The following DAB1 variants were observed in gnomAD, a reference collection of about 807,000 sequenced individuals.
DAB1 encodes the protein disabled homolog 1.
A neutral mutation model predicts 64.6 loss-of-function variants in DAB1; 15 were observed. That is an observed-to-expected ratio of 0.23 (90% confidence interval 0.16 to 0.36). The LOEUF (loss-of-function observed/expected upper bound fraction) is 0.36, where lower values mean the gene tolerates loss of function less well. Ranked by LOEUF, DAB1 falls within the 10% of genes least tolerant of loss-of-function variation. The pLI is 1.00. For missense variants in DAB1, 596 were observed against 706.7 expected, an observed-to-expected ratio of 0.84 and a Z score of 1.78; for synonymous variants, 235 against 251.9, an observed-to-expected ratio of 0.93 and a Z score of 0.64.
Position 57,929,914 on chromosome 1 carries a change from A to G in DAB1, n.388-45752T>C, listed in dbSNP as rs551234943. On this transcript the variant is annotated intron_variant and non_coding_transcript_variant, in intron 5 of 20. Transcript: ENST00000485760. ...ATGAGGGATCCACCCCCAGGACCCA[A>G]CCACATCCCACCAGGTGCCCTTCCC... 5.9e-5 allele frequency among the ~76,000 whole-genome samples: 9 copies of G among 152,294 alleles called. No individual in the cohort carries two copies. The South Asian group carries it at 1.7e-3, about 28-fold the overall frequency.
At chr1:57,990,342 A>C (rs1384144623) in intron 5 of DAB1, among the ~76,000 whole-genome samples, 2 of 152,248 alleles carry the variant, frequency 1.3e-5, no homozygotes, top group African/African-American at 4.8e-5. Flanking sequence ...TCCAATCCAA[A>C]TATGTTTCAT....
intron 3 of DAB1, among the ~76,000 whole-genome samples, chr1:58,434,197 T>C (rs1435974847): frequency 6.6e-6 from 1 of 152,156 alleles, no homozygotes; most frequent in Non-Finnish European, 1.5e-5. Context: ...TACTACTGTG[T>C]TGAGAACAGA....
intron 7 of DAB1, among the ~76,000 whole-genome samples, chr1:57,634,270 G>T (rs189247849): frequency 6.6e-6 from 1 of 152,218 alleles, no homozygotes; most frequent in Non-Finnish European, 1.5e-5. Flanking sequence ...CTGAAAGAAC[G>T]TGAGCTATAA....
rs1646684732 is a variant in DAB1 at position 57,023,462 on chromosome 1, T to A, written c.895+69A>T. 5.1e-5 allele frequency: 45 copies of A among 878,676 alleles called. 1 individual carries two copies. In the South Asian group the frequency reaches 6.4e-4, roughly 13 times the overall value. 54.4% of individuals were successfully genotyped at this position (878,676 alleles called of 1,614,324 possible). A position where few individuals can be genotyped will look rare whatever the true frequency, so the allele number is the denominator to read the frequency against. ...GTTTTATCATCATTCGGTGGCTGGC[T>A]CTGTAAACTCTTTCTCTCTCTTAAT... is the stretch of plus-strand genomic sequence containing the variant. On this transcript the variant is annotated intron_variant, in intron 11 of 14. Coordinates refer to ENST00000371236, the MANE Select transcript of DAB1 (RefSeq NM_001365792.1).
intron 6 of DAB1, among the ~76,000 whole-genome samples, chr1:57,662,784 G>T (rs1646402379): frequency 1.3e-5 from 2 of 152,312 alleles, no homozygotes; most frequent in South Asian, 2.1e-4. Flanking sequence ...GCAGTCAAAG[G>T]ACATGGTATG....
intron 6 of DAB1, among the ~76,000 whole-genome samples, chr1:57,764,044 T>C (rs1327503388): frequency 6.6e-6 from 1 of 152,190 alleles, no homozygotes; most frequent in Non-Finnish European, 1.5e-5. Context: ...ATGATAACGA[T>C]ATTCTCCTTT....
chr1:58,154,497 T>C (rs930128949), intron 4 of DAB1, among the ~76,000 whole-genome samples: 1 of 151,912 alleles, frequency 6.6e-6, no homozygotes, highest in Admixed American at 6.5e-5. Context: ...AGCAATGTGC[T>C]AGGAATACAG....
intron 1 of DAB1, among the ~76,000 whole-genome samples, chr1:57,297,313 G>A (rs1673278856): frequency 6.6e-6 from 1 of 152,110 alleles, no homozygotes. Context: ...ACTTGAATAT[G>A]AATGGTAAGT....
At chr1:57,706,385 A>T (rs896868268) in intron 6 of DAB1, among the ~76,000 whole-genome samples, 1 of 151,508 alleles carries the variant, frequency 6.6e-6, no homozygotes, top group Non-Finnish European at 1.5e-5. Flanking sequence ...GGCTCACTGC[A>T]CCCTCAACCT....
chr1:58,283,914 T>C (rs1661624161), intron 4 of DAB1, among the ~76,000 whole-genome samples: 1 of 152,346 alleles, frequency 6.6e-6, no homozygotes, highest in Middle Eastern at 3.4e-3. Flanking sequence ...TAATACACAG[T>C]GCCTGGCTCA....
chr1:58,473,549 T>TA (rs1220798227), intron 3 of DAB1, among the ~76,000 whole-genome samples: 10 of 80,728 alleles, frequency 1.2e-4, no homozygotes, highest in African/African-American at 5.5e-4. Context: ...CTCAAAAAAA[T>TA]AAATAAATAA....
chr1:58,246,573 G>GT (rs1660542577), intron 4 of DAB1, among the ~76,000 whole-genome samples: 1 of 152,204 alleles, frequency 6.6e-6, no homozygotes, highest in Non-Finnish European at 1.5e-5. Flanking sequence ...GGGTTTGTAT[G>GT]TAAGTGCATA....
rs779474835 is a variant in DAB1, at chr1:58,326,054, C to T, written n.309+17298G>A. On this transcript the variant is annotated intron_variant and non_coding_transcript_variant, in intron 4 of 20. Coordinates refer to the DAB1 transcript ENST00000485760. ...TTGGCTAAGGAAATCTACTCCTTCA[C>T]GTGTCTCCAGGGGACAATGTATTCA... is the stretch of plus-strand genomic sequence containing the variant. 5.6e-4 allele frequency among the ~76,000 whole-genome samples: 86 copies of T among 152,282 alleles called. 1 individual carries two copies. The highest frequency in any genetic ancestry group is 1.9e-4 in the East Asian group (1 of 5,184).
intron 5 of DAB1, among the ~76,000 whole-genome samples, chr1:58,045,904 C>T (rs1247768483): frequency 6.6e-6 from 1 of 151,330 alleles, no homozygotes; most frequent in Non-Finnish European, 1.5e-5. Context: ...GCTCTGCTCC[C>T]TGGTAATTAG....
chr1:57,222,661 C>A (rs1012646107), intron 2 of DAB1, among the ~76,000 whole-genome samples: 1 of 152,264 alleles, frequency 6.6e-6, no homozygotes, highest in Non-Finnish European at 1.5e-5. Flanking sequence ...GGACCTGATT[C>A]ACTACAGTAC....
intron 2 of DAB1, among the ~76,000 whole-genome samples, chr1:57,191,687 T>C (rs1006356026): frequency 6.6e-6 from 1 of 152,138 alleles, no homozygotes; most frequent in Non-Finnish European, 1.5e-5. Flanking sequence ...GAAAATTAAT[T>C]TTCCATCTTG....
chr1:58,423,424 G>A (rs981969384), intron 3 of DAB1, among the ~76,000 whole-genome samples: 8 of 152,170 alleles, frequency 5.3e-5, no homozygotes, highest in Admixed American at 1.3e-4. Flanking sequence ...GAGGGGAAGA[G>A]GTGGAGGGAA....
At chr1:57,918,252 A>G (rs1644758422) in intron 5 of DAB1, among the ~76,000 whole-genome samples, 1 of 152,150 alleles carries the variant, frequency 6.6e-6, no homozygotes, top group African/African-American at 2.4e-5. Flanking sequence ...AACTTTTCTT[A>G]CTGTCTTAGT....
intron 6 of DAB1, among the ~76,000 whole-genome samples, chr1:57,812,864 G>A (rs1651693082): frequency 6.6e-6 from 1 of 152,196 alleles, no homozygotes; most frequent in East Asian, 1.9e-4. Flanking sequence ...AGAAACAGAG[G>A]CTCAGAGAGA....
Sources: allele counts gnomAD v4.1 joint callset (sites outside exome capture counted in the v4.1 genomes callset), GRCh38; gene constraint gnomAD v4.1.1; transcripts MANE v1.5; gene names NCBI Gene and HGNC (gene_info 2026-07-23, HGNC 2026-07-21).